The following MICU2 variants were observed in gnomAD, a reference collection of about 807,000 sequenced individuals.
MICU2 encodes calcium uptake protein 2, mitochondrial.
In MICU2, 64 loss-of-function variants were observed where a neutral mutation model predicts 60.4. The ratio of observed to expected loss-of-function variants is 1.06; its 90% confidence interval spans 0.87 to 1.31. MICU2 has a LOEUF of 1.31. MICU2 is among the 50% of genes most tolerant of loss of function. MICU2 has a pLI of 0.00. For synonymous variants in MICU2, 201 were observed against 175.0 expected, an observed-to-expected ratio of 1.15 and a Z score of -1.17; for missense variants, 569 against 531.0, an observed-to-expected ratio of 1.07 and a Z score of -0.70.
chr13:21,510,771 C>T (rs948296452), intron 7 of MICU2, among the ~76,000 whole-genome samples: 5 of 150,436 alleles, frequency 3.3e-5, no homozygotes. Context: ...CCCGACCCCG[C>T]TTCTCAGAAT....
intron 2 of MICU2, among the ~76,000 whole-genome samples, chr13:21,545,070 C>G (rs1207757716): frequency 6.6e-6 from 1 of 152,130 alleles, no homozygotes; most frequent in Non-Finnish European, 1.5e-5. Flanking sequence ...TCCAGCAACC[C>G]CACTACAGGG....
chr13:21,502,721 A>T, intron 9 of MICU2: 2 of 468,266 alleles, frequency 4.3e-6, no homozygotes, highest in Non-Finnish European at 7.4e-6. Flanking sequence ...CTTTACTGGA[A>T]ATGGAAAACT....
intron 2 of MICU2, among the ~76,000 whole-genome samples, chr13:21,552,022 A>G (rs926563426): frequency 1.3e-5 from 2 of 152,114 alleles, no homozygotes; most frequent in African/African-American, 4.8e-5. Context: ...GACTTCCACA[A>G]GGGTTGAACT....
chr13:21,521,159 A>C (rs1566146023), intron 6 of MICU2, 86 bp downstream of exon 6: 1 of 1,076,578 alleles, frequency 9.3e-7, no homozygotes, highest in Admixed American at 2.6e-5. Flanking sequence ...CAATGAATAC[A>C]ATTTTGATTT....
Position 21,493,171 on chromosome 13 carries a change from A to G in MICU2, c.*78T>C, listed in dbSNP as rs913813925. Reference sequence around the variant, plus strand: ...AGAATATCAATGAAGACTTAAGAAGATAAATAGCAAGTACTTCTAAAAAAT... The same window carrying G: ...AGAATATCAATGAAGACTTAAGAAGGTAAATAGCAAGTACTTCTAAAAAAT... On this transcript the variant is annotated 3_prime_UTR_variant, in exon 12 of 12. Transcript: ENST00000382374. 2.4e-6 allele frequency: 2 copies of G among 830,642 alleles called. No individual in the cohort carries two copies. Among genetic ancestry groups the G allele is most frequent in the Admixed American group, 2.9e-5 (1 of 35,034 alleles). The allele number at this position is 830,642 out of a possible 1,614,324, so 51.5% of individuals were successfully genotyped here.
chr13:21,554,279 G>A (rs1041345607), intron 2 of MICU2, among the ~76,000 whole-genome samples: 1 of 152,138 alleles, frequency 6.6e-6, no homozygotes, highest in African/African-American at 2.4e-5. Flanking sequence ...CACACAGTTG[G>A]AAGTAAAGCA....
chr13:21,517,547 G>A (rs1157000748), intron 6 of MICU2, among the ~76,000 whole-genome samples: 3 of 152,144 alleles, frequency 2.0e-5, no homozygotes, highest in South Asian at 2.1e-4. Context: ...AGGCTGACGC[G>A]GGTGGATCAC....
chr13:21,535,156 TTTTA>T (rs1179341117), intron 4 of MICU2, among the ~76,000 whole-genome samples: 1 of 152,220 alleles, frequency 6.6e-6, no homozygotes, highest in East Asian at 1.9e-4. Flanking sequence ...TCTCTTCAGT[TTTTA>T]TTTTACTCAT....
intron 2 of MICU2, among the ~76,000 whole-genome samples, chr13:21,542,587 AG>A (rs2138005388): frequency 6.6e-6 from 1 of 152,336 alleles, no homozygotes; most frequent in Non-Finnish European, 1.5e-5. Context: ...ACAGGAAAAA[AG>A]ATCTAGAATT....
At chr13:21,523,987 T>G (rs1886788086) in intron 4 of MICU2, among the ~76,000 whole-genome samples, 1 of 152,196 alleles carries the variant, frequency 6.6e-6, no homozygotes, top group Admixed American at 6.5e-5. Flanking sequence ...GAGCCCTGGA[T>G]GAAGTTGGGT....
At chr13:21,550,733 G>A (rs569649831) in intron 2 of MICU2, among the ~76,000 whole-genome samples, 7 of 152,092 alleles carry the variant, frequency 4.6e-5, no homozygotes, top group Non-Finnish European at 7.4e-5. Context: ...CAGTTTCAGA[G>A]CCTCCTATGT....
At chr13:21,548,462 A>C (rs1239622971) in intron 2 of MICU2, among the ~76,000 whole-genome samples, 1 of 152,232 alleles carries the variant, frequency 6.6e-6, no homozygotes, top group African/African-American at 2.4e-5. Flanking sequence ...TTAATCTTTT[A>C]AAATTTTAGA....
intron 1 of MICU2, among the ~76,000 whole-genome samples, chr13:21,587,837 G>A (rs558196563): frequency 7.3e-4 from 111 of 152,278 alleles, no homozygotes; most frequent in Middle Eastern, 3.4e-3. Flanking sequence ...GTAGTTATAA[G>A]ATACTAAAAA....
chr13:21,565,870 C>T (rs1209870131), intron 2 of MICU2, among the ~76,000 whole-genome samples: 2 of 152,128 alleles, frequency 1.3e-5, no homozygotes, highest in African/African-American at 4.8e-5. Context: ...TTTTTACCAC[C>T]TTATTTTTCT....
intron 1 of MICU2, among the ~76,000 whole-genome samples, chr13:21,575,413 C>T (rs1385481663): frequency 1.4e-5 from 2 of 138,876 alleles, no homozygotes; most frequent in East Asian, 2.1e-4. Context: ...AACTAGGTTT[C>T]GAATGATTAA....
At chr13:21,494,356 A>C (rs1885938832) in intron 11 of MICU2, among the ~76,000 whole-genome samples, 1 of 152,138 alleles carries the variant, frequency 6.6e-6, no homozygotes, top group African/African-American at 2.4e-5. Context: ...TTCCCCTGGC[A>C]GACTTCTTTT....
chr13:21,501,484 G>C (rs570497590), intron 9 of MICU2, among the ~76,000 whole-genome samples: 1 of 152,098 alleles, frequency 6.6e-6, no homozygotes, highest in Admixed American at 6.5e-5. Context: ...GGATGGTCTT[G>C]ATCTCCTGAC....
intron 2 of MICU2, among the ~76,000 whole-genome samples, chr13:21,556,015 A>G (rs1270112564): frequency 6.6e-6 from 1 of 152,082 alleles, no homozygotes; most frequent in Non-Finnish European, 1.5e-5. Context: ...ACCTACCAAC[A>G]CATATTAAAA....
At chr13:21,540,835 A>G (rs987170723) in intron 2 of MICU2, among the ~76,000 whole-genome samples, 1 of 152,118 alleles carries the variant, frequency 6.6e-6, no homozygotes, top group African/African-American at 2.4e-5. Context: ...TTATTGGACA[A>G]ATCTAAGTGA....
Sources: allele counts gnomAD v4.1 joint callset (sites outside exome capture counted in the v4.1 genomes callset), GRCh38; gene constraint gnomAD v4.1.1; transcripts MANE v1.5; gene names NCBI Gene and HGNC (gene_info 2026-07-23, HGNC 2026-07-21).